DOCK1: variants seen among roughly 807,000 people sequenced by gnomAD.
DOCK1 encodes dedicator of cytokinesis protein 1.
A neutral mutation model predicts 262.7 loss-of-function variants in DOCK1; 138 were observed. That is an observed-to-expected ratio of 0.53 (90% CI 0.46 to 0.61). DOCK1 has a LOEUF of 0.61. Ranked by LOEUF, DOCK1 falls within the 20% of genes least tolerant of loss-of-function variation. DOCK1 has a pLI of 0.00. For missense variants in DOCK1, 1,908 were observed against 2,370.7 expected (o/e 0.80, Z 4.05); for synonymous variants, 866 against 867.4 (o/e 1.00, Z 0.03).
intron 25 of DOCK1, among the ~76,000 whole-genome samples, chr10:127,112,751 C>T (rs569116327): frequency 6.6e-6 from 1 of 152,052 alleles, no homozygotes; most frequent in Non-Finnish European, 1.5e-5. Context: ...TACAAGCAGC[C>T]CCAGAATTGC....
intron 28 of DOCK1, among the ~76,000 whole-genome samples, chr10:127,251,265 C>T (rs955558016): frequency 2.0e-5 from 3 of 152,128 alleles, no homozygotes; most frequent in African/African-American, 7.2e-5. Context: ...AGGCATGAGC[C>T]ACCACGCCCG....
intron 23 of DOCK1, among the ~76,000 whole-genome samples, chr10:127,081,308 A>G (rs2136012525): frequency 6.6e-6 from 1 of 150,786 alleles, no homozygotes; most frequent in South Asian, 2.1e-4. Context: ...GAACTCCCAG[A>G]GTCCTCTGCA....
chr10:127,155,574 C>T (rs2052962202), intron 27 of DOCK1, among the ~76,000 whole-genome samples: 2 of 152,104 alleles, frequency 1.3e-5, no homozygotes, highest in African/African-American at 4.8e-5. Context: ...TGCCTTATCC[C>T]CTCCCCTTGT....
chr10:127,140,823 T>G (rs2051168969), intron 27 of DOCK1, among the ~76,000 whole-genome samples: 1 of 152,074 alleles, frequency 6.6e-6, no homozygotes, highest in Admixed American at 6.5e-5. Flanking sequence ...CTGGTTAGAG[T>G]AGTGGACTTG....
intron 17 of DOCK1, 36 bp downstream of exon 17, chr10:127,031,789 G>C (rs1296071417): frequency 4.4e-6 from 7 of 1,577,146 alleles, no homozygotes; most frequent in African/African-American, 1.4e-5. Context: ...TGCTGCTATA[G>C]ACAGTTTCAG....
chr10:126,927,509 T>C (rs1449269137), intron 1 of DOCK1, among the ~76,000 whole-genome samples: 1 of 152,084 alleles, frequency 6.6e-6, no homozygotes, highest in Non-Finnish European at 1.5e-5. Flanking sequence ...CCATCTCGGC[T>C]CACTGCAACC....
At chr10:127,146,577 T>G (rs560793974) in intron 27 of DOCK1, among the ~76,000 whole-genome samples, 1 of 152,226 alleles carries the variant, frequency 6.6e-6, no homozygotes, top group East Asian at 1.9e-4. Context: ...ATTGTGTATG[T>G]AAGGTGTTAT....
At position 127,419,720 on chromosome 10, in the gene DOCK1, G is replaced by A. The variant is rs775773512; in HGVS notation, c.4747G>A (p.Glu1583Lys). 21 of 1,603,816 alleles carry A rather than the reference G, an allele frequency of 1.3e-5. No homozygotes were observed. The highest frequency in any genetic ancestry group is 6.7e-5 in the African/African-American group (5 of 74,646). ...GCACCCTGAGGCCCATGAAAAGATC[G>A]AGAAGCTCAAGGACCTGATTGCTTG... ...QEHPEAHEKI[E>K]KLKDLIAWQI... is the part of the protein sequence containing the mutation. The change falls in exon 46 of 52, where the codon GAG (glutamate) becomes AAG (lysine). Residue 1583 changes from glutamate to lysine, a missense_variant. By Grantham distance (56) the Glu-to-Lys change is moderately conservative. Coordinates refer to ENST00000623213, the MANE Select transcript of DOCK1 (RefSeq NM_001290223.2).
intron 19 of DOCK1, among the ~76,000 whole-genome samples, chr10:127,041,596 A>C (rs1166345461): frequency 4.6e-5 from 7 of 152,242 alleles, no homozygotes; most frequent in Admixed American, 6.5e-5. Context: ...CTGTTGACTC[A>C]TATGGTAAAT....
intron 1 of DOCK1, among the ~76,000 whole-genome samples, chr10:126,963,633 CCCTT>C (rs2037428323): frequency 1.9e-3 from 125 of 65,740 alleles, no homozygotes; most frequent in Admixed American, 3.4e-3. Flanking sequence ...CCCTTCCCTT[CCCTT>C]CCCTCCTTCC....
At chr10:127,309,072 A>G (rs899690238) in intron 29 of DOCK1, among the ~76,000 whole-genome samples, 1 of 152,046 alleles carries the variant, frequency 6.6e-6, no homozygotes, top group Non-Finnish European at 1.5e-5. Flanking sequence ...AAGTCTTCCT[A>G]TTTCTCCACA....
At chr10:127,042,584 G>C (rs752058491) in intron 19 of DOCK1, 41 bp from the exon 20 acceptor site, 2 of 1,568,748 alleles carry the variant, frequency 1.3e-6, no homozygotes. Context: ...GGGGAAGTCC[G>C]GTGGGTTCAC....
chr10:127,207,868 C>T (rs921700976), intron 27 of DOCK1, among the ~76,000 whole-genome samples: 4 of 152,178 alleles, frequency 2.6e-5, no homozygotes, highest in South Asian at 2.1e-4. Flanking sequence ...TTTTATGACC[C>T]CTGGCTTATA....
chr10:126,937,442 C>T (rs2034626335), intron 1 of DOCK1, among the ~76,000 whole-genome samples: 4 of 150,548 alleles, frequency 2.7e-5, no homozygotes, highest in Non-Finnish European at 4.4e-5. Flanking sequence ...ATCTGTTTTA[C>T]ATTCCCACCA....
chr10:127,121,240 T>C (rs2049542744), intron 25 of DOCK1, among the ~76,000 whole-genome samples: 1 of 151,720 alleles, frequency 6.6e-6, no homozygotes, highest in Admixed American at 6.6e-5. Flanking sequence ...TTTTTTTTTT[T>C]TCTCCTGGTG....
intron 1 of DOCK1, among the ~76,000 whole-genome samples, chr10:126,924,226 A>G (rs868119833): frequency 2.4e-3 from 288 of 118,890 alleles, no homozygotes; most frequent in Middle Eastern, 0.01. Context: ...GGGGAACTGA[A>G]TGCTGGAACT....
chr10:127,192,128 C>A (rs908566700), intron 27 of DOCK1, among the ~76,000 whole-genome samples: 14 of 152,132 alleles, frequency 9.2e-5, no homozygotes, highest in Non-Finnish European at 1.9e-4. Flanking sequence ...GTATGCTGTG[C>A]AGAGATGTAA....
At chr10:127,362,848 C>CACACATACACAT (rs1554956200) in intron 33 of DOCK1, among the ~76,000 whole-genome samples, 1 of 10,258 alleles carries the variant, frequency 9.7e-5, no homozygotes, top group Non-Finnish European at 2.1e-4. Flanking sequence ...CACACACACA[C>CACACATACACAT]ACACATGTAC....
intron 4 of DOCK1, among the ~76,000 whole-genome samples, chr10:126,986,002 G>A (rs1252080086): frequency 6.6e-6 from 1 of 152,134 alleles, no homozygotes. Flanking sequence ...GCACCACCAT[G>A]CCCGGCTGAT....
Sources: allele counts gnomAD v4.1 joint callset (sites outside exome capture counted in the v4.1 genomes callset), GRCh38; gene constraint gnomAD v4.1.1; transcripts MANE v1.5; gene names NCBI Gene and HGNC (gene_info 2026-07-23, HGNC 2026-07-21).